The following DLC1 variants were observed in gnomAD, a reference collection of about 807,000 sequenced individuals.
DLC1 encodes rho GTPase-activating protein 7.
Under a neutral mutation model 140.3 loss-of-function variants are expected in DLC1, and 54 were observed. That is an observed-to-expected ratio of 0.38 (90% confidence interval 0.31 to 0.48). The LOEUF is 0.48. Ranked by LOEUF, DLC1 falls within the 20% of genes least tolerant of loss-of-function variation. DLC1 has a pLI of 0.96. For synonymous variants in DLC1, 986 were observed against 728.1 expected (o/e 1.35, Z -5.70); for missense variants, 2,536 against 1,907.0 (o/e 1.33, Z -6.14).
chr8:13,559,653 G>A (rs926373001), intron 1 of DLC1, among the ~76,000 whole-genome samples: 1 of 152,110 alleles, frequency 6.6e-6, no homozygotes, highest in Non-Finnish European at 1.5e-5. Flanking sequence ...GCTGAGTAGT[G>A]GAAAAATAAT....
chr8:13,474,520 C>T (rs1007552601), intron 2 of DLC1, among the ~76,000 whole-genome samples: 1 of 152,110 alleles, frequency 6.6e-6, no homozygotes, highest in Non-Finnish European at 1.5e-5. Context: ...CCTCCAGACC[C>T]CAGAATGGTA....
At chr8:13,483,653 T>C (rs776993548) in intron 2 of DLC1, among the ~76,000 whole-genome samples, 1 of 151,996 alleles carries the variant, frequency 6.6e-6, no homozygotes, top group Non-Finnish European at 1.5e-5. Flanking sequence ...TGCTGTAAAG[T>C]ATGGGATGAG....
chr8:13,502,046 T>G (rs1474436009), intron 1 of DLC1, among the ~76,000 whole-genome samples: 1 of 152,242 alleles, frequency 6.6e-6, no homozygotes, highest in Non-Finnish European at 1.5e-5. Flanking sequence ...AAGTTGAGCC[T>G]GAATTCTGGT....
At chr8:13,327,472 A>ATTTTTTTTTTTTTTTTGTCT (rs1331304323) in intron 4 of DLC1, among the ~76,000 whole-genome samples, 1 of 103,556 alleles carries the variant, frequency 9.7e-6, no homozygotes, top group African/African-American at 3.7e-5. Flanking sequence ...TATTTCTGGC[A>ATTTTTTTTTTTTTTTTGTCT]TTTTTTTTTC....
At chr8:13,566,755 G>C (rs1585281563) in intron 1 of DLC1, 1 of 528,660 alleles carries the variant, frequency 1.9e-6, no homozygotes, top group East Asian at 3.1e-5. Context: ...CGCAAGCAGC[G>C]CAAGCGCAGT....
At chr8:13,182,709 T>A (rs1171818428) in intron 5 of DLC1, among the ~76,000 whole-genome samples, 1 of 152,208 alleles carries the variant, frequency 6.6e-6, no homozygotes, top group East Asian at 1.9e-4. Context: ...TACCATGCTG[T>A]TTTGGTTACT....
intron 4 of DLC1, among the ~76,000 whole-genome samples, chr8:13,349,791 G>A (rs1834549591): frequency 6.6e-6 from 1 of 152,222 alleles, no homozygotes; most frequent in Admixed American, 6.5e-5. Flanking sequence ...GCAACAGGAA[G>A]GAGAATCTAG....
chr8:13,496,721 GT>G (rs1417815909), intron 2 of DLC1, among the ~76,000 whole-genome samples: 1 of 144,178 alleles, frequency 6.9e-6, no homozygotes, highest in Non-Finnish European at 1.5e-5. Context: ...CTGACTCCAT[GT>G]TTTTAATGAA....
chr8:13,324,619 T>C (rs936431721), intron 4 of DLC1, among the ~76,000 whole-genome samples: 1 of 151,350 alleles, frequency 6.6e-6, no homozygotes, highest in African/African-American at 2.4e-5. Flanking sequence ...ATCAACATGA[T>C]ATAGTTTTAT....
At chr8:13,300,652 C>A (rs922580224) in intron 5 of DLC1, among the ~76,000 whole-genome samples, 2 of 152,062 alleles carry the variant, frequency 1.3e-5, no homozygotes, top group African/African-American at 4.8e-5. Flanking sequence ...ATCTGAGGGG[C>A]AACACAGACA....
intron 5 of DLC1, among the ~76,000 whole-genome samples, chr8:13,147,369 G>C (rs1358159433): frequency 6.6e-6 from 1 of 152,158 alleles, no homozygotes; most frequent in Non-Finnish European, 1.5e-5. Context: ...GTATTTCTCT[G>C]TGCTAACAGC....
chr8:13,445,989 C>G (rs1174981808), intron 2 of DLC1, among the ~76,000 whole-genome samples: 1 of 152,146 alleles, frequency 6.6e-6, no homozygotes, highest in Non-Finnish European at 1.5e-5. Context: ...CTTACTTGGT[C>G]ATACAGTTGT....
At chr8:13,452,012 A>G (rs1799085889) in intron 2 of DLC1, among the ~76,000 whole-genome samples, 1 of 151,918 alleles carries the variant, frequency 6.6e-6, no homozygotes, top group Non-Finnish European at 1.5e-5. Flanking sequence ...TCTATTGGCT[A>G]TTTTTTTAAA....
chr8:13,450,768 C>T (rs1047159928), intron 2 of DLC1, among the ~76,000 whole-genome samples: 13 of 151,980 alleles, frequency 8.6e-5, no homozygotes, highest in East Asian at 7.7e-4. Context: ...AGGCCAGGCG[C>T]GGTGGCTCAT....
At chr8:13,478,480 T>G (rs1800540369) in intron 2 of DLC1, among the ~76,000 whole-genome samples, 2 of 152,210 alleles carry the variant, frequency 1.3e-5, no homozygotes, top group African/African-American at 4.8e-5. Flanking sequence ...CCTTCTCTCC[T>G]GTTCAGGGAT....
chr8:13,330,838 C>A (rs1833555634), intron 4 of DLC1, among the ~76,000 whole-genome samples: 1 of 152,214 alleles, frequency 6.6e-6, no homozygotes, highest in South Asian at 2.1e-4. Flanking sequence ...ACTCAAAATA[C>A]CTTTCCTTAC....
chr8:13,498,377 G>T (rs778658993), intron 2 of DLC1, among the ~76,000 whole-genome samples: 9 of 152,286 alleles, frequency 5.9e-5, no homozygotes, highest in South Asian at 4.1e-4. Context: ...GGGGAGGATG[G>T]CATCTTTAGA....
chr8:13,256,755 G>A (rs188577572), intron 5 of DLC1, among the ~76,000 whole-genome samples: 365 of 151,880 alleles, frequency 2.4e-3, no homozygotes, highest in African/African-American at 8.0e-3. Context: ...AGAGCATTAA[G>A]ACAAATACCT....
intron 13 of DLC1, 33 bp from the exon 14 acceptor site, chr8:13,091,465 C>A: frequency 1.9e-6 from 3 of 1,559,190 alleles, no homozygotes; most frequent in South Asian, 2.4e-5. Flanking sequence ...GGGAACAGTT[C>A]AAATATTTAT....
Sources: gnomAD v4.1 joint callset for allele counts (sites outside exome capture counted in the v4.1 genomes callset) on GRCh38, gnomAD v4.1.1 for gene constraint, MANE v1.5 for transcripts, NCBI Gene and HGNC (gene_info 2026-07-23, HGNC 2026-07-21) for gene names.